CRPPA: variants seen among roughly 807,000 people sequenced by gnomAD.
CRPPA encodes the protein D-ribitol-5-phosphate cytidylyltransferase.
CRPPA carries 43 observed loss-of-function variants against 52.0 expected under a neutral mutation model. That is an observed-to-expected ratio of 0.83 (90% CI 0.65 to 1.07). CRPPA has a LOEUF of 1.07. Among genes scored for constraint, CRPPA ranks in the 50% least tolerant of loss-of-function variants. The pLI is 0.00. For missense variants in CRPPA, 629 were observed against 551.7 expected (o/e 1.14, Z -1.40); for synonymous variants, 250 against 203.5 (o/e 1.23, Z -1.94).
rs139787660 is a variant in CRPPA, at chr7:16,280,904, C to T, written c.836-2678G>A. ...GCATGATGGTGCACTCCTGTAGTCC[C>T]AGCTACGCAGGAGGCTGAGGCAGGA... On this transcript the variant is annotated intron_variant, in intron 5 of 9. Coordinates refer to ENST00000407010, the MANE Select transcript of CRPPA (RefSeq NM_001101426.4). Among the ~76,000 whole-genome samples, 15 of 152,172 alleles carry T rather than the reference C, an allele frequency of 9.9e-5. No individual in the cohort carries two copies. The East Asian group carries it at 2.9e-3, about 30-fold the overall frequency.
chr7:16,368,806 C>T (rs1277007694), intron 3 of CRPPA, among the ~76,000 whole-genome samples: 1 of 152,100 alleles, frequency 6.6e-6, no homozygotes, highest in East Asian at 1.9e-4. Context: ...AATCACCAAC[C>T]TTACACACGG....
intron 2 of CRPPA, among the ~76,000 whole-genome samples, chr7:16,396,698 A>G (rs1395448088): frequency 6.6e-6 from 1 of 152,166 alleles, no homozygotes; most frequent in Admixed American, 6.5e-5. Flanking sequence ...CAATGAGTAG[A>G]TAGAGAAAAT....
At chr7:16,354,796 A>C (rs2128308298) in intron 3 of CRPPA, among the ~76,000 whole-genome samples, 1 of 152,322 alleles carries the variant, frequency 6.6e-6, no homozygotes, top group East Asian at 1.9e-4. Flanking sequence ...TGCAGCCATC[A>C]GAAAATAATA....
chr7:16,184,027 C>T (rs755489012), intron 9 of CRPPA, among the ~76,000 whole-genome samples: 8 of 151,956 alleles, frequency 5.3e-5, no homozygotes, highest in Admixed American at 1.3e-4. Context: ...CTGCAAGCTC[C>T]GCCTCCCTGG....
At chr7:16,398,168 C>A (rs1433698107) in intron 2 of CRPPA, among the ~76,000 whole-genome samples, 1 of 151,998 alleles carries the variant, frequency 6.6e-6, no homozygotes, top group Admixed American at 6.5e-5. Context: ...ACACAATTGA[C>A]ACATGATCGG....
chr7:16,102,376 C>T (rs1483641823), intron 9 of CRPPA, among the ~76,000 whole-genome samples: 2 of 151,780 alleles, frequency 1.3e-5, no homozygotes, highest in Non-Finnish European at 2.9e-5. Flanking sequence ...TGAGGCAATA[C>T]CATTCAGGAC....
intron 8 of CRPPA, among the ~76,000 whole-genome samples, chr7:16,221,087 C>A (rs1782486094): frequency 6.6e-6 from 1 of 152,110 alleles, no homozygotes; most frequent in Admixed American, 6.5e-5. Context: ...GTACTGGTAC[C>A]AAAACAGAGA....
chr7:16,301,520 G>A (rs999268016), intron 4 of CRPPA, 54 bp from the exon 5 acceptor site: 5 of 1,346,616 alleles, frequency 3.7e-6, no homozygotes, highest in Non-Finnish European at 5.3e-6. Context: ...GAATGTGCAA[G>A]CAATAAAATA....
chr7:16,348,883 G>C (rs529952477), intron 3 of CRPPA, among the ~76,000 whole-genome samples: 1 of 152,272 alleles, frequency 6.6e-6, no homozygotes, highest in African/African-American at 2.4e-5. Flanking sequence ...TCCCACCCAA[G>C]GGACTGTCTC....
chr7:16,163,124 C>G (rs1780948377), intron 9 of CRPPA, among the ~76,000 whole-genome samples: 1 of 151,864 alleles, frequency 6.6e-6, no homozygotes, highest in Non-Finnish European at 1.5e-5. Flanking sequence ...CAGGCGCCTG[C>G]CACCACACTC....
rs74509774 is a variant in CRPPA, at chr7:16,415,707, C to T, written c.257+5359G>A. Among the ~76,000 whole-genome samples the T allele has an allele frequency of 9.9e-5, 15 of 152,278 alleles. No individual in the cohort carries two copies. The East Asian group carries it at 2.7e-3, about 27-fold the overall frequency. Reference sequence around the variant, plus strand: ...CATTAAATCTGATTAGGTTACCACGCGCCTAGCTCTTGAGTTTATTAGTAC... The same window carrying T: ...CATTAAATCTGATTAGGTTACCACGTGCCTAGCTCTTGAGTTTATTAGTAC... On this transcript the variant is annotated intron_variant, in intron 1 of 9. Coordinates refer to ENST00000407010, the MANE Select transcript of CRPPA (RefSeq NM_001101426.4).
chr7:16,119,838 C>G (rs1782447576), intron 9 of CRPPA, among the ~76,000 whole-genome samples: 1 of 152,166 alleles, frequency 6.6e-6, no homozygotes, highest in South Asian at 2.1e-4. Flanking sequence ...AGGAAGACAA[C>G]TAAGAGAAGG....
chr7:16,217,206 T>A (rs1337968024), intron 8 of CRPPA, among the ~76,000 whole-genome samples: 3 of 144,152 alleles, frequency 2.1e-5, no homozygotes, highest in Admixed American at 7.0e-5. Context: ...GGCAGGGTAT[T>A]CCAACAGACC....
intron 1 of CRPPA, among the ~76,000 whole-genome samples, chr7:16,419,944 G>A (rs1208507075): frequency 2.0e-5 from 3 of 152,154 alleles, no homozygotes; most frequent in Admixed American, 6.5e-5. Context: ...CCGACTCTGC[G>A]TGAATTACTC....
At chr7:16,194,738 A>C (rs1485653283) in intron 9 of CRPPA, among the ~76,000 whole-genome samples, 1 of 152,186 alleles carries the variant, frequency 6.6e-6, no homozygotes, top group Non-Finnish European at 1.5e-5. Context: ...ATGAAGACAA[A>C]GACCAAACTG....
intron 5 of CRPPA, among the ~76,000 whole-genome samples, chr7:16,285,049 T>C (rs984591306): frequency 6.6e-6 from 1 of 152,134 alleles, no homozygotes; most frequent in South Asian, 2.1e-4. Context: ...TCCAAACATA[T>C]GATTAATACT....
chr7:16,246,160 A>C (rs574723488), intron 8 of CRPPA, among the ~76,000 whole-genome samples: 1 of 152,116 alleles, frequency 6.6e-6, no homozygotes, highest in Non-Finnish European at 1.5e-5. Context: ...TTATCAACTA[A>C]GTTTATATAA....
intron 8 of CRPPA, among the ~76,000 whole-genome samples, chr7:16,226,974 A>G (rs1232886149): frequency 6.6e-6 from 1 of 151,910 alleles, no homozygotes; most frequent in East Asian, 1.9e-4. Context: ...CAGATTCCAC[A>G]TGAGCAACAT....
chr7:16,124,361 T>A (rs893816795), intron 9 of CRPPA, among the ~76,000 whole-genome samples: 3 of 152,134 alleles, frequency 2.0e-5, no homozygotes, highest in African/African-American at 7.2e-5. Context: ...TTCAGATTAA[T>A]TTGTAGTATA....
Sources: gnomAD v4.1 joint callset for allele counts (sites outside exome capture counted in the v4.1 genomes callset) on GRCh38, gnomAD v4.1.1 for gene constraint, MANE v1.5 for transcripts, NCBI Gene and HGNC (gene_info 2026-07-23, HGNC 2026-07-21) for gene names.